The following AFAP1 variants were observed in gnomAD, a reference collection of about 807,000 sequenced individuals.
AFAP1 encodes the protein actin filament-associated protein 1.
AFAP1 carries 75 observed loss-of-function variants against 93.9 expected under a neutral mutation model. The ratio of observed to expected loss-of-function variants is 0.80; its 90% CI spans 0.66 to 0.97. The LOEUF is 0.97. Among genes scored for constraint, AFAP1 ranks in the 50% least tolerant of loss-of-function variants. The pLI, the probability that AFAP1 is intolerant of heterozygous loss-of-function variation, is 0.00. For missense variants in AFAP1, 1,201 were observed against 1,050.8 expected (o/e 1.14, Z -1.98); for synonymous variants, 517 against 430.7 (o/e 1.20, Z -2.48).
At chr4:7,821,884 G>C (rs1013824613) in intron 6 of AFAP1, among the ~76,000 whole-genome samples, 4 of 152,186 alleles carry the variant, frequency 2.6e-5, no homozygotes, top group Admixed American at 6.5e-5. Flanking sequence ...GTCCACAGTT[G>C]AGACTACAAA....
At position 7,820,037 on chromosome 4, in the gene AFAP1, G is replaced by GACA. The variant is rs1282520361; in HGVS notation, c.727-869_727-867dup. ...CTGTGGGAAGAAATAATTATACAGG[G>GACA]ACAACAACAACGAAAAAGCATAGGG... On this transcript the variant is annotated intron_variant, in intron 6 of 17. Coordinates refer to ENST00000420658, the MANE Select transcript of AFAP1 (RefSeq NM_001134647.2). Among the ~76,000 whole-genome samples the GACA allele has an allele frequency of 2.0e-5, 3 of 152,190 alleles. No homozygotes were observed. The South Asian group carries it at 6.2e-4, about 32-fold the overall frequency.
intron 1 of AFAP1, among the ~76,000 whole-genome samples, chr4:7,874,018 G>A (rs749174989): frequency 1.3e-5 from 2 of 152,152 alleles, no homozygotes; most frequent in Non-Finnish European, 2.9e-5. Context: ...AATACTGGAG[G>A]CTTTTCTACT....
chr4:7,847,676 T>C (rs1439771648), intron 4 of AFAP1, among the ~76,000 whole-genome samples: 1 of 151,874 alleles, frequency 6.6e-6, no homozygotes, highest in Non-Finnish European at 1.5e-5. Context: ...TGAAAAATTA[T>C]GAACAACTCA....
intron 3 of AFAP1, among the ~76,000 whole-genome samples, chr4:7,866,998 C>G (rs1312057033): frequency 6.7e-6 from 1 of 150,060 alleles, no homozygotes; most frequent in Admixed American, 6.7e-5. Flanking sequence ...ATGAATGTGC[C>G]AATGCACTCC....
At chr4:7,861,373 A>C (rs1715657431) in intron 3 of AFAP1, among the ~76,000 whole-genome samples, 1 of 152,216 alleles carries the variant, frequency 6.6e-6, no homozygotes, top group Admixed American at 6.5e-5. Flanking sequence ...GAGGATAATA[A>C]AATTTTATAG....
intron 1 of AFAP1, among the ~76,000 whole-genome samples, chr4:7,929,744 G>A (rs544724417): frequency 2.6e-5 from 4 of 152,320 alleles, no homozygotes; most frequent in Non-Finnish European, 4.4e-5. Flanking sequence ...ACACAGAGGC[G>A]GCACTCAGGA....
intron 1 of AFAP1, among the ~76,000 whole-genome samples, chr4:7,879,285 C>A (rs760689138): frequency 6.6e-6 from 1 of 152,174 alleles, no homozygotes; most frequent in Admixed American, 6.5e-5. Flanking sequence ...CTCATCTGAG[C>A]CTCACAATCT....
Position 7,761,419 on chromosome 4 carries a change from A to T in AFAP1, c.*2346T>A, listed in dbSNP as rs993748324. ...ATATGCATGCTGGGAGTCGAGCACC[A>T]ATCAGCTGTGCCGTTGGGCAAGTCC... is the stretch of plus-strand genomic sequence containing the variant. On this transcript the variant is annotated 3_prime_UTR_variant, in exon 18 of 18. Transcript: ENST00000420658. 4 of 152,262 alleles carry T rather than the reference A, an allele frequency of 2.6e-5. No individual in the cohort carries two copies. The highest frequency in any genetic ancestry group is 6.5e-5 in the Admixed American group (1 of 15,292). 9.4% of individuals were successfully genotyped at this position (152,262 alleles called of 1,614,324 possible).
At chr4:7,865,914 G>A (rs1194011406) in intron 3 of AFAP1, among the ~76,000 whole-genome samples, 1 of 152,196 alleles carries the variant, frequency 6.6e-6, no homozygotes, top group African/African-American at 2.4e-5. Flanking sequence ...TTTATTTTTT[G>A]AGACGGAGTC....
intron 1 of AFAP1, among the ~76,000 whole-genome samples, chr4:7,880,762 G>A (rs1717793409): frequency 6.6e-6 from 1 of 152,322 alleles, no homozygotes; most frequent in East Asian, 1.9e-4. Context: ...GGAGGCTAAA[G>A]CATTGTCTGT....
intron 1 of AFAP1, among the ~76,000 whole-genome samples, chr4:7,908,936 G>C (rs971611671): frequency 6.6e-6 from 1 of 150,644 alleles, no homozygotes; most frequent in Non-Finnish European, 1.5e-5. Flanking sequence ...AACAAACAAA[G>C]CTCCAACTTC....
rs767681691 is a variant in AFAP1 at position 7,800,494 on chromosome 4, T to C, written c.1214A>G (p.His405Arg). 4.3e-6 allele frequency: 7 copies of C among 1,614,132 alleles called. No individual in the cohort carries two copies. In the African/African-American group the frequency reaches 8.0e-5, roughly 18 times the overall value. The change falls in exon 10 of 18, where the codon CAT (histidine) becomes CGT (arginine). Residue 405 changes from histidine to arginine, a missense_variant. Physicochemically the swap from His to Arg is conservative, Grantham distance 29 (BLOSUM62 0). Coordinates refer to ENST00000420658, the MANE Select transcript of AFAP1 (RefSeq NM_001134647.2). ...GCGCAGCAGCCGGAACGTCAGAGGA[T>C]GTTTAGAATCCAAACCCGGGATCAC... The part of the protein sequence containing the change: ...CEVIPGLDSK[H>R]PLTFRLLRNG...
At chr4:7,918,191 C>A in intron 1 of AFAP1, among the ~76,000 whole-genome samples, 1 of 140,798 alleles carries the variant, frequency 7.1e-6, no homozygotes, top group Non-Finnish European at 1.5e-5. Flanking sequence ...AGACACTCGG[C>A]CCAGGTCACC....
At chr4:7,924,816 C>G (rs908208022) in intron 1 of AFAP1, among the ~76,000 whole-genome samples, 1 of 152,144 alleles carries the variant, frequency 6.6e-6, no homozygotes, top group Non-Finnish European at 1.5e-5. Context: ...CTCGACAACC[C>G]AGAAAGCTAA....
intron 6 of AFAP1, among the ~76,000 whole-genome samples, chr4:7,819,649 C>T (rs1033142547): frequency 2.0e-5 from 3 of 152,124 alleles, no homozygotes; most frequent in East Asian, 1.9e-4. Flanking sequence ...AAAAGCCCTG[C>T]GGTGGATGTG....
At chr4:7,856,638 G>C (rs570348998) in intron 3 of AFAP1, among the ~76,000 whole-genome samples, 1 of 152,228 alleles carries the variant, frequency 6.6e-6, no homozygotes, top group Non-Finnish European at 1.5e-5. Context: ...TCCGCGCCTC[G>C]GGACAACCTA....
chr4:7,773,088 A>G, intron 15 of AFAP1, 78 bp from the exon 16 acceptor site: 4 of 1,502,568 alleles, frequency 2.7e-6, no homozygotes, highest in East Asian at 2.4e-5. Context: ...CTGGTCCCCA[A>G]GAAGAACTTC....
At chr4:7,919,505 G>A (rs1003903245) in intron 1 of AFAP1, among the ~76,000 whole-genome samples, 2 of 152,170 alleles carry the variant, frequency 1.3e-5, no homozygotes, top group African/African-American at 4.8e-5. Flanking sequence ...ACATTTCTGA[G>A]CCGATTGAGT....
intron 3 of AFAP1, among the ~76,000 whole-genome samples, chr4:7,864,093 CCATTCCCAACTTCCCATCACAACCCA>C (rs1716095604): frequency 1.5e-4 from 1 of 6,520 alleles, no homozygotes; most frequent in Admixed American, 1.8e-3. Flanking sequence ...CCATCACAAC[CCATTCCCAACTTCCCATCACAACCCA>C]TTCCCAACTT....
Sources: gnomAD v4.1 joint callset for allele counts (sites outside exome capture counted in the v4.1 genomes callset) on GRCh38, gnomAD v4.1.1 for gene constraint, MANE v1.5 for transcripts, NCBI Gene and HGNC (gene_info 2026-07-23, HGNC 2026-07-21) for gene names.